ST3GAL1: variants seen among roughly 807,000 people sequenced by gnomAD.
ST3GAL1 encodes CMP-N-acetylneuraminate-beta-galactosamide-alpha-2,3-sialyltransferase 1.
Under a neutral mutation model 34.1 loss-of-function variants are expected in ST3GAL1, and 16 were observed. That is an observed-to-expected ratio of 0.47 (90% CI 0.32 to 0.71). The LOEUF is 0.71. Ranked by LOEUF, ST3GAL1 falls within the 30% of genes least tolerant of loss-of-function variation. ST3GAL1 has a pLI of 0.04. For synonymous variants in ST3GAL1, 191 were observed against 184.7 expected, an observed-to-expected ratio of 1.03 and a Z score of -0.28; for missense variants, 353 against 447.4, an observed-to-expected ratio of 0.79 and a Z score of 1.90.
At chr8:133,544,564 G>A (rs747717890) in intron 2 of ST3GAL1, among the ~76,000 whole-genome samples, 5 of 151,660 alleles carry the variant, frequency 3.3e-5, no homozygotes, top group Non-Finnish European at 7.4e-5. Flanking sequence ...GTTTCTTATC[G>A]CTCTTGCCCA....
chr8:133,536,325 AT>A (rs1184846517), intron 2 of ST3GAL1, among the ~76,000 whole-genome samples: 22 of 152,328 alleles, frequency 1.4e-4, no homozygotes, highest in African/African-American at 5.1e-4. Flanking sequence ...GAGGAAGGAC[AT>A]ATTCGGATGC....
intron 1 of ST3GAL1, among the ~76,000 whole-genome samples, chr8:133,561,290 G>C (rs184051242): frequency 1.1e-4 from 16 of 152,010 alleles, no homozygotes; most frequent in Admixed American, 9.8e-4. Context: ...GGATTTACAT[G>C]CACAATAACT....
At position 133,462,007 on chromosome 8, in the gene ST3GAL1, G is replaced by A; in HGVS notation, c.730-13C>T. ...GGTAGATCAGGATCTGCGGGGATGGGAAGACACGGCCCTTAGTGAGTTCTG... is the reference window on the plus strand; with the variant it reads ...GGTAGATCAGGATCTGCGGGGATGGAAAGACACGGCCCTTAGTGAGTTCTG... On this transcript the variant is annotated splice_polypyrimidine_tract_variant and intron_variant, in intron 8 of 9. Coordinates refer to ENST00000522652, the MANE Select transcript of ST3GAL1 (RefSeq NM_173344.3). The A allele has an allele frequency of 3.7e-6, 6 of 1,614,046 alleles. No homozygotes were observed. The highest frequency in any genetic ancestry group is 5.1e-6 in the Non-Finnish European group (6 of 1,179,994).
chr8:133,463,478 A>C lies in ST3GAL1; in HGVS notation c.684-19T>G. 1 of 1,613,572 alleles carries C rather than the reference A, an allele frequency of 6.2e-7. No individual in the cohort carries two copies. Among genetic ancestry groups the C allele is most frequent in the Non-Finnish European group, 8.5e-7 (1 of 1,179,888 alleles). On this transcript the variant is annotated intron_variant, in intron 7 of 9. Transcript: ENST00000522652. ...GTAGGTGCTGCAGTTGGAGAAAGAG[A>C]AGCTGGTTAATGGGGCAGGGGACAG...
intron 2 of ST3GAL1, among the ~76,000 whole-genome samples, chr8:133,543,082 G>A (rs1424214963): frequency 1.3e-5 from 2 of 152,144 alleles, no homozygotes; most frequent in Non-Finnish European, 2.9e-5. Context: ...CCTTAACTGA[G>A]AGCTCCAAGC....
At chr8:133,532,884 G>C (rs1818199087) in intron 2 of ST3GAL1, among the ~76,000 whole-genome samples, 1 of 152,164 alleles carries the variant, frequency 6.6e-6, no homozygotes, top group African/African-American at 2.4e-5. Context: ...ATAGTTTGGG[G>C]ACGAGAAGCA....
Position 133,461,906 on chromosome 8 carries a change from G to T in ST3GAL1, c.818C>A (p.Ser273Ter). 1 of 1,614,188 alleles carries T rather than the reference G, an allele frequency of 6.2e-7. No individual in the cohort carries two copies. Among genetic ancestry groups the T allele is most frequent in the South Asian group, 1.1e-5 (1 of 91,082 alleles). The change falls in exon 9 of 10, where the codon TCG (serine) becomes TAG (stop). Residue 273 changes from serine (S) to a stop codon, truncating the protein, a stop_gained. Coordinates refer to ENST00000522652, the MANE Select transcript of ST3GAL1 (RefSeq NM_173344.3). LOFTEE classifies it high-confidence loss of function. This position sits in a 1 kb window ranked among gnomAD's most constrained non-coding sequence, Gnocchi z 4.7. ...GCAGACATGCATTGAGAAGATGACCGAGAGGATGCCGGTAGATGGGTATCG... is the reference window on the plus strand; with the variant it reads ...GCAGACATGCATTGAGAAGATGACCTAGAGGATGCCGGTAGATGGGTATCG... ...HGRYPSTGILSVIFSMHVCDE... is the reference protein window; with the variant it reads ...HGRYPSTGIL
intron 1 of ST3GAL1, among the ~76,000 whole-genome samples, chr8:133,553,711 G>C (rs1470584670): frequency 6.6e-6 from 1 of 152,168 alleles, no homozygotes; most frequent in African/African-American, 2.4e-5. Context: ...AGGGCACTTA[G>C]TAAAGCATAG....
At chr8:133,510,960 C>G (rs751725951) in intron 2 of ST3GAL1, among the ~76,000 whole-genome samples, 4 of 152,190 alleles carry the variant, frequency 2.6e-5, no homozygotes, top group Non-Finnish European at 5.9e-5. Context: ...GTATGATTCA[C>G]GCAAATAACC....
intron 2 of ST3GAL1, among the ~76,000 whole-genome samples, chr8:133,540,636 C>A (rs1309307766): frequency 6.6e-6 from 1 of 151,014 alleles, no homozygotes; most frequent in African/African-American, 2.4e-5. Flanking sequence ...AAGAGACACT[C>A]CTTGACCACC....
chr8:133,463,894 C>T (rs1230234376), intron 7 of ST3GAL1, among the ~76,000 whole-genome samples: 6 of 152,120 alleles, frequency 3.9e-5, no homozygotes, highest in Admixed American at 2.6e-4. Flanking sequence ...AAAGCTGGTC[C>T]CACGGGTGTG....
intron 2 of ST3GAL1, among the ~76,000 whole-genome samples, chr8:133,523,288 A>G (rs551141831): frequency 4.6e-5 from 7 of 152,188 alleles, no homozygotes; most frequent in African/African-American, 1.7e-4. Context: ...AGACACTGCC[A>G]CACCCCCATG....
chr8:133,567,457 T>C (rs1819436327), intron 1 of ST3GAL1: 1 of 152,176 alleles, frequency 6.6e-6, no homozygotes, highest in South Asian at 2.1e-4. Flanking sequence ...AGCCTCAATA[T>C]TTTTACATTA....
rs145251126 is a variant in ST3GAL1, at chr8:133,563,711, C to T, written c.-582+7982G>A. Among the ~76,000 whole-genome samples, 1,323 of 152,342 alleles carry T rather than the reference C, an allele frequency of 8.7e-3. 10 individuals are homozygous for T. The highest frequency in any genetic ancestry group is 0.024 in the African/African-American group (998 of 41,574). On this transcript the variant is annotated intron_variant, in intron 1 of 9. Transcript: ENST00000522652. ...GGTGCACATTTTGATTTTACCTGTC[C>T]TCAGACTGAACCTTTGCTCATTATA...
chr8:133,527,913 G>A lies in ST3GAL1; in HGVS notation c.-429+17861C>T, dbSNP rs1018666023. On this transcript the variant is annotated intron_variant, in intron 2 of 9. Coordinates refer to ENST00000522652, the MANE Select transcript of ST3GAL1 (RefSeq NM_173344.3). ...AAATGGGCTGGGCGTGGTGGCTCAC[G>A]CCTATAATCCCACCACTTTGGGAGG... Among the ~76,000 whole-genome samples, 3 of 151,988 alleles carry A rather than the reference G, an allele frequency of 2.0e-5. No individual in the cohort carries two copies. The Middle Eastern group carries it at 0.01, about 517-fold the overall frequency.
rs369955717 is a variant in ST3GAL1 at position 133,530,125 on chromosome 8, A to G, written c.-429+15649T>C. ...GCATTCCACTGACATTTGATAATTG[A>G]ATTAATGAATAAACTAGAGCAGGGG... On this transcript the variant is annotated intron_variant, in intron 2 of 9. Transcript: ENST00000522652. Among the ~76,000 whole-genome samples, 427 of 152,218 alleles carry G rather than the reference A, an allele frequency of 2.8e-3. 1 individual carries two copies. Among genetic ancestry groups the G allele is most frequent in the Non-Finnish European group, 4.5e-3 (303 of 68,022 alleles).
At position 133,515,188 on chromosome 8, in the gene ST3GAL1, TC is replaced by T. The variant is rs566157744; in HGVS notation, c.-428-16000del. Among the ~76,000 whole-genome samples, 5 of 152,306 alleles carry T rather than the reference TC, an allele frequency of 3.3e-5. No individual in the cohort carries two copies. The East Asian group carries it at 9.7e-4, about 29-fold the overall frequency. ...CCTCACTGCCATCTTGCAAGAGAGC[TC>T]GCTCCCATGCCACGCCAGGCAGCAG... On this transcript the variant is annotated intron_variant, in intron 2 of 9. Coordinates refer to ENST00000522652, the MANE Select transcript of ST3GAL1 (RefSeq NM_173344.3).
At chr8:133,562,209 CTT>C (rs35234056) in intron 1 of ST3GAL1, among the ~76,000 whole-genome samples, 218 of 113,222 alleles carry the variant, frequency 1.9e-3, no homozygotes, top group Middle Eastern at 5.0e-3. Flanking sequence ...GAATCCACAT[CTT>C]TTTTTTTTTT....
chr8:133,554,816 T>C (rs904246348), intron 1 of ST3GAL1, among the ~76,000 whole-genome samples: 19 of 149,362 alleles, frequency 1.3e-4, no homozygotes, highest in Non-Finnish European at 1.6e-4. Context: ...AACCTCCGCC[T>C]CCTGGATTCA....
Sources: allele counts gnomAD v4.1 joint callset (sites outside exome capture counted in the v4.1 genomes callset), GRCh38; gene constraint gnomAD v4.1.1; non-coding constraint Gnocchi (gnomAD v3.1); transcripts MANE v1.5; gene names NCBI Gene and HGNC (gene_info 2026-07-23, HGNC 2026-07-21).